NHP2: variants seen among roughly 807,000 people sequenced by gnomAD.
The protein encoded by NHP2 is H/ACA ribonucleoprotein complex subunit 2.
NHP2 carries 10 observed loss-of-function variants against 16.7 expected under a neutral mutation model. That is an observed-to-expected ratio of 0.60 (90% CI 0.37 to 1.01). The LOEUF (loss-of-function observed/expected upper bound fraction) is 1.01. NHP2 is among the 50% of genes least tolerant of loss of function. NHP2 has a pLI of 0.01. For missense variants in NHP2, 184 were observed against 198.3 expected (o/e 0.93, Z 0.43); for synonymous variants, 87 against 78.9 (o/e 1.10, Z -0.54).
In NHP2 at chr5:178,150,555, A is replaced by T. The variant is rs549738762; in HGVS notation, c.336+333T>A. The T allele has an allele frequency of 1.5e-4, 63 of 407,998 alleles. 2 individuals are homozygous for T. The highest frequency in any genetic ancestry group is 8.4e-4 in the South Asian group (42 of 49,934). The allele number at this position is 407,998 out of a possible 1,614,324, so 25.3% of individuals were successfully genotyped here. ...CCACCACACCCAGCTAATTAAAAAA[A>T]TTTTTTTTGTAGAGATGGAGTCTCA... is the stretch of plus-strand genomic sequence containing the variant. On this transcript the variant is annotated intron_variant, in intron 3 of 3. Coordinates refer to ENST00000274606, the MANE Select transcript of NHP2 (RefSeq NM_017838.4).
At chr5:178,152,292 C>T (rs1320991077) in intron 2 of NHP2, among the ~76,000 whole-genome samples, 1 of 152,160 alleles carries the variant, frequency 6.6e-6, no homozygotes, top group Non-Finnish European at 1.5e-5. Context: ...TCCTACAAGG[C>T]CCCCTAAGAA....
Position 178,153,573 on chromosome 5 carries a change from A to T in NHP2, c.161-13T>A, listed in dbSNP as rs1338651279. 6.2e-7 allele frequency: 1 copy of T among 1,613,966 alleles called. No homozygotes were observed. Among genetic ancestry groups the T allele is most frequent in the Non-Finnish European group, 8.5e-7 (1 of 1,179,806 alleles). ...TTCTGCTTCACCGCTGCAACGACAG[A>T]AGAGTCGGTCGGGGGCCTCGCTCAG... On this transcript the variant is annotated splice_polypyrimidine_tract_variant and intron_variant, in intron 1 of 3. Coordinates refer to ENST00000274606, the MANE Select transcript of NHP2 (RefSeq NM_017838.4).
chr5:178,153,535 G>A lies in NHP2; in HGVS notation c.186C>T (p.Arg62=), dbSNP rs747423117. Residue 62 remains arginine (R), a synonymous_variant, in exon 2 of 4, where the codon CGC becomes CGT. Transcript: ENST00000274606. ...KKAVKQKQIR[R]GVKEVQKFVN... ...CAAATTTCTGAACCTCTTTCACCCCGCGCCGAATCTGCTTCTGCTTCACCG... is the reference window on the plus strand; with the variant it reads ...CAAATTTCTGAACCTCTTTCACCCCACGCCGAATCTGCTTCTGCTTCACCG... The A allele has an allele frequency of 1.2e-6, 2 of 1,614,194 alleles. No individual in the cohort carries two copies. The highest frequency in any genetic ancestry group is 1.1e-5 in the South Asian group (1 of 91,080).
Position 178,153,535 on chromosome 5 carries a change from G to C in NHP2, c.186C>G (p.Arg62=), listed in dbSNP as rs747423117. Residue 62 remains arginine, a synonymous_variant, in exon 2 of 4, where the codon CGC becomes CGG. Coordinates refer to ENST00000274606, the MANE Select transcript of NHP2 (RefSeq NM_017838.4). ...CAAATTTCTGAACCTCTTTCACCCC[G>C]CGCCGAATCTGCTTCTGCTTCACCG... ...KKAVKQKQIR[R]GVKEVQKFVN... is the part of the protein sequence containing the mutation. 6 of 1,614,194 alleles carry C rather than the reference G, an allele frequency of 3.7e-6. No individual in the cohort carries two copies. The Admixed American group carries it at 5.0e-5, about 13-fold the overall frequency.
In NHP2 at chr5:178,149,703, C is replaced by T. The variant is rs769885801; in HGVS notation, c.*10G>A. 6.8e-6 allele frequency: 11 copies of T among 1,612,880 alleles called. No individual in the cohort carries two copies. The highest frequency in any genetic ancestry group is 9.3e-6 in the Non-Finnish European group (11 of 1,179,912). On this transcript the variant is annotated 3_prime_UTR_variant, in exon 4 of 4. Coordinates refer to ENST00000274606, the MANE Select transcript of NHP2 (RefSeq NM_017838.4). The stretch of plus-strand genomic sequence containing the variant: ...TCCAGCGGCAGGTGCCCAGGTGCTA[C>T]CGGAGCCCCTCATAGGGGTAGGGGC...
Position 178,150,902 on chromosome 5 carries a change from T to C in NHP2, c.322A>G (p.Ile108Val). ...CEDRNLPYVY[I>V]PSKTDLGAAA... The stretch of plus-strand genomic sequence containing the variant: ...GTGCTCCTTACCGTCTTAGAGGGGA[T>C]ATAGACATAGGGCAAATTTCGGTCC... Residue 108 changes from isoleucine (I) to valine (V), a missense_variant, in exon 3 of 4, where the codon ATC (isoleucine) becomes GTC (valine). Transcript: ENST00000274606. 6.2e-7 allele frequency: 1 copy of C among 1,612,850 alleles called. No homozygotes were observed. Among genetic ancestry groups the C allele is most frequent in the Non-Finnish European group, 8.5e-7 (1 of 1,178,858 alleles).
chr5:178,151,168 C>A (rs1384776743), intron 2 of NHP2, among the ~76,000 whole-genome samples, 175 bp from the exon 3 acceptor site: 1 of 152,300 alleles, frequency 6.6e-6, no homozygotes, highest in East Asian at 1.9e-4. Flanking sequence ...TGATGTAGTG[C>A]TCGGACAGGT....
In NHP2 at chr5:178,153,653, C is replaced by G. The variant is rs548200272; in HGVS notation, c.160+5G>C. On this transcript the variant is annotated splice_donor_5th_base_variant and intron_variant, in intron 1 of 3. Coordinates refer to ENST00000274606, the MANE Select transcript of NHP2 (RefSeq NM_017838.4). ...CCATCCCGGCCACGCCGCCGTCCGC[C>G]TCACCTTTCTTGATGCATTTGTAGA... 3.1e-6 allele frequency: 5 copies of G among 1,613,512 alleles called. No individual in the cohort carries two copies. In the African/African-American group the frequency reaches 5.3e-5, roughly 17 times the overall value.
chr5:178,150,318 A>G, intron 3 of NHP2: 1 of 232,794 alleles, frequency 4.3e-6, no homozygotes, highest in Non-Finnish European at 8.7e-6. Context: ...GTTCCTTCAG[A>G]ACAGGGCCTC....
intron 2 of NHP2, among the ~76,000 whole-genome samples, chr5:178,151,316 G>C (rs371084100): frequency 6.6e-6 from 1 of 152,178 alleles, no homozygotes; most frequent in Non-Finnish European, 1.5e-5. Flanking sequence ...GGGCTGGGGC[G>C]GGGGAGAGCA....
chr5:178,151,614 C>T (rs1215526074), intron 2 of NHP2, among the ~76,000 whole-genome samples: 2 of 152,212 alleles, frequency 1.3e-5, no homozygotes, highest in Admixed American at 1.3e-4. Context: ...TGCTTCCGCA[C>T]TCCTAGTGCT....
intron 1 of NHP2, 45 bp from the exon 2 acceptor site, chr5:178,153,605 G>A: frequency 6.2e-7 from 1 of 1,611,318 alleles, no homozygotes; most frequent in Non-Finnish European, 8.5e-7. Flanking sequence ...TCAGCCACCC[G>A]CGCACCCATC....
chr5:178,150,716 T>C (rs1244940679), intron 3 of NHP2, 172 bp downstream of exon 3: 1 of 756,476 alleles, frequency 1.3e-6, no homozygotes, highest in Middle Eastern at 2.3e-4. Context: ...GGAACTGAAA[T>C]GCAAGAAGTA....
In NHP2 at chr5:178,153,822, G is replaced by A. The variant is rs552352016; in HGVS notation, c.-5C>T. On this transcript the variant is annotated 5_prime_UTR_variant, in exon 1 of 4. Coordinates refer to ENST00000274606, the MANE Select transcript of NHP2 (RefSeq NM_017838.4). Reference sequence around the variant, plus strand: ...ATCTGCCTTTATTTTGGTCATCGCAGCGGCCGCTGAAACCTAGTCCCAGGG... The same window carrying A: ...ATCTGCCTTTATTTTGGTCATCGCAACGGCCGCTGAAACCTAGTCCCAGGG... The A allele has an allele frequency of 1.1e-5, 18 of 1,604,182 alleles. No individual in the cohort carries two copies. Among genetic ancestry groups the A allele is most frequent in the Non-Finnish European group, 1.5e-5 (18 of 1,175,732 alleles).
Position 178,153,688 on chromosome 5 carries a change from T to A in NHP2, c.130A>T (p.Thr44Ser), listed in dbSNP as rs1439042075. 4.3e-6 allele frequency: 7 copies of A among 1,614,006 alleles called. No individual in the cohort carries two copies. In the East Asian group the frequency reaches 1.6e-4, roughly 36 times the overall value. Residue 44 changes from threonine (T) to serine (S), a missense_variant, in exon 1 of 4, where the codon ACG (threonine) becomes TCG (serine). Physicochemically the swap from Thr to Ser is moderately conservative, Grantham distance 58. Transcript: ENST00000274606. ...IAQPLASRRL[T>S]RKLYKCIKKA... is the part of the protein sequence containing the mutation. Reference sequence around the variant, plus strand: ...TTGATGCATTTGTAGAGCTTCCGCGTGAGGCGGCGAGAAGCCAGGGGCTGC... The same window carrying A: ...TTGATGCATTTGTAGAGCTTCCGCGAGAGGCGGCGAGAAGCCAGGGGCTGC...
At chr5:178,153,188 G>C (rs1371978425) in intron 2 of NHP2, 1 of 467,840 alleles carries the variant, frequency 2.1e-6, no homozygotes, top group Non-Finnish European at 3.9e-6. Context: ...GGCGGGGGCC[G>C]GAGGTAATCT....
In NHP2 at chr5:178,150,888, C is replaced by T. The variant is rs746472214; in HGVS notation, c.336G>A (p.Thr112=). Reference sequence around the variant, plus strand: ...GGTCAGGGGGCCACGTGCTCCTTACCGTCTTAGAGGGGATATAGACATAGG... The same window carrying T: ...GGTCAGGGGGCCACGTGCTCCTTACTGTCTTAGAGGGGATATAGACATAGG... ...NLPYVYIPSK[T]DLGAAAGSKR... The change falls in exon 3 of 4, where the codon ACG becomes ACA. Residue 112 remains threonine (T), a splice_region_variant and synonymous_variant. Coordinates refer to ENST00000274606, the MANE Select transcript of NHP2 (RefSeq NM_017838.4). The T allele has an allele frequency of 5.0e-6, 8 of 1,606,466 alleles. No homozygotes were observed. The highest frequency in any genetic ancestry group is 2.2e-5 in the East Asian group (1 of 44,844).
At chr5:178,150,441 T>G (rs1203366316) in intron 3 of NHP2, 1 of 347,934 alleles carries the variant, frequency 2.9e-6, no homozygotes, top group Non-Finnish European at 5.7e-6. Context: ...TGTGGTGGTG[T>G]ATGATCATGG....
intron 2 of NHP2, among the ~76,000 whole-genome samples, chr5:178,151,467 A>G (rs561142015): frequency 5.5e-4 from 84 of 152,350 alleles, no homozygotes; most frequent in Non-Finnish European, 1.1e-3. Context: ...CCAGAGACTC[A>G]GCCAGGGTTC....
Sources: allele counts gnomAD v4.1 joint callset (sites outside exome capture counted in the v4.1 genomes callset), GRCh38; gene constraint gnomAD v4.1.1; transcripts MANE v1.5; gene names NCBI Gene and HGNC (gene_info 2026-07-23, HGNC 2026-07-21).